PDE6B: variants seen among roughly 807,000 people sequenced by gnomAD.
PDE6B encodes phosphodiesterase 6B, also known as rod cGMP-specific 3',5'-cyclic phosphodiesterase subunit beta.
In PDE6B, 106 loss-of-function variants were observed where a neutral mutation model predicts 109.0. The observed-to-expected ratio is 0.97, with a 90% CI of 0.83 to 1.14. The LOEUF (loss-of-function observed/expected upper bound fraction) is 1.14. Ranked by LOEUF, PDE6B falls within the 50% of genes most tolerant of loss-of-function variation. The pLI, the probability that PDE6B is intolerant of heterozygous loss-of-function variation, is 0.00. For synonymous variants in PDE6B, 490 were observed against 471.3 expected (o/e 1.04, Z -0.51); for missense variants, 1,193 against 1,155.6 (o/e 1.03, Z -0.47).
intron 3 of PDE6B, among the ~76,000 whole-genome samples, chr4:639,213 T>C (rs1734833896): frequency 6.6e-6 from 1 of 151,582 alleles, no homozygotes; most frequent in Non-Finnish European, 1.5e-5. Context: ...GGTGCAATCA[T>C]AGCTCACTGC....
At position 666,915 on chromosome 4, in the gene PDE6B, A is replaced by C. The variant is rs572664078; in HGVS notation, c.2352+301A>C. Among the ~76,000 whole-genome samples, 115 of 152,296 alleles carry C rather than the reference A, an allele frequency of 7.6e-4. 1 individual carries two copies. The highest frequency in any genetic ancestry group is 2.5e-3 in the African/African-American group (103 of 41,562). On this transcript the variant is annotated intron_variant, in intron 20 of 21. Transcript: ENST00000496514. This position sits in a 1 kb window ranked among gnomAD's most constrained non-coding sequence, Gnocchi z 5.6. ...AGGCCTACCCCAGAAGTTCTCCCTC[A>C]GTGCCCTCCGCCGTGGCCAGCACAC...
chr4:645,400 A>G (rs1432359071), intron 3 of PDE6B, among the ~76,000 whole-genome samples: 1 of 145,660 alleles, frequency 6.9e-6, no homozygotes, highest in Non-Finnish European at 1.5e-5. Context: ...GGTTCACGCC[A>G]TTCTCCTGCC....
chr4:650,977 G>A (rs1282738200), intron 3 of PDE6B, among the ~76,000 whole-genome samples: 1 of 152,172 alleles, frequency 6.6e-6, no homozygotes, highest in Non-Finnish European at 1.5e-5. Flanking sequence ...TGCTGGGCTG[G>A]GACCACCTTG....
chr4:642,147 G>A (rs1386635669), intron 3 of PDE6B, among the ~76,000 whole-genome samples: 1 of 152,048 alleles, frequency 6.6e-6, no homozygotes, highest in African/African-American at 2.4e-5. Context: ...CCCAATCTTA[G>A]GAGAAAGCAT....
chr4:646,648 T>C (rs1433266717), intron 3 of PDE6B, among the ~76,000 whole-genome samples: 1 of 152,034 alleles, frequency 6.6e-6, no homozygotes, highest in Non-Finnish European at 1.5e-5. Flanking sequence ...TGGTTCCCTC[T>C]GCGTTTCTGT....
chr4:653,716 C>T (rs1474595728), intron 3 of PDE6B, 136 bp from the exon 4 acceptor site: 5 of 1,000,424 alleles, frequency 5.0e-6, no homozygotes, highest in African/African-American at 4.8e-5. Flanking sequence ...GGGTCTGTGC[C>T]AGGCTCCACG....
chr4:661,901 A>G, intron 12 of PDE6B: 1 of 564,570 alleles, frequency 1.8e-6, no homozygotes, highest in Non-Finnish European at 3.2e-6. Context: ...GGCTGTTCTC[A>G]GCTCCTGCCC....
intron 12 of PDE6B, chr4:661,784 G>A (rs1476401462): frequency 5.7e-6 from 2 of 352,902 alleles, no homozygotes; most frequent in Non-Finnish European, 1.1e-5. Context: ...TCATTCAAAT[G>A]TCCATGCCTA....
chr4:653,369 C>T (rs1012530715), intron 3 of PDE6B: 92 of 1,098,670 alleles, frequency 8.4e-5, no homozygotes, highest in Non-Finnish European at 1.0e-4. Flanking sequence ...GGGGCCTGTG[C>T]AGCGGGATGT....
At position 664,147 on chromosome 4, in the gene PDE6B, G is replaced by C. The variant is rs199531882; in HGVS notation, c.2055G>C (p.Glu685Asp). 4 of 1,612,176 alleles carry C rather than the reference G, an allele frequency of 2.5e-6. No homozygotes were observed. The highest frequency in any genetic ancestry group is 1.7e-4 in the Middle Eastern group (1 of 6,060). The change falls in exon 17 of 22, where the codon GAG becomes GAC. Residue 685 changes from glutamate (E) to aspartate (D), a missense_variant. Glu to Asp is a conservative substitution (Grantham distance 45). Coordinates refer to ENST00000496514, the MANE Select transcript of PDE6B (RefSeq NM_000283.4). Reference protein sequence around the residue: ...KRAMFQKIVDESKNYQDKKSW... With the variant: ...KRAMFQKIVDDSKNYQDKKSW... ...CGATGTTTCAGAAGATCGTGGATGA[G>C]TCCAAGAACTACCAGGACAAGAAGA... is the stretch of plus-strand genomic sequence containing the variant.
chr4:663,824 C>T lies in PDE6B; in HGVS notation c.1975C>T (p.Leu659=), dbSNP rs1737438000. The change falls in exon 16 of 22, where the codon CTG becomes TTG. Residue 659 remains leucine, a synonymous_variant. Transcript: ENST00000496514. The surrounding 1 kb of genome is among the most constrained non-coding windows in gnomAD (Gnocchi z 4.0). The part of the protein sequence containing the change: ...NRRQHEHVIH[L]MDIAIIATDL... ...GCGGCAGCACGAGCACGTGATCCACCTGATGGACATCGCCATCATCGCCAC... is the reference window on the plus strand; with the variant it reads ...GCGGCAGCACGAGCACGTGATCCACTTGATGGACATCGCCATCATCGCCAC... 6.2e-7 allele frequency: 1 copy of T among 1,612,444 alleles called. No individual in the cohort carries two copies. Among genetic ancestry groups the T allele is most frequent in the Non-Finnish European group, 8.5e-7 (1 of 1,179,562 alleles).
At position 665,299 on chromosome 4, in the gene PDE6B, G is replaced by C; in HGVS notation, c.2238G>C (p.Leu746Phe). 6.2e-7 allele frequency: 1 copy of C among 1,612,718 alleles called. No homozygotes were observed. The change falls in exon 19 of 22, where the codon TTG (leucine) becomes TTC (phenylalanine). Residue 746 changes from leucine (L) to phenylalanine (F), a missense_variant. By Grantham distance (22) the Leu-to-Phe change is conservative (BLOSUM62 0). Coordinates refer to ENST00000496514, the MANE Select transcript of PDE6B (RefSeq NM_000283.4). The surrounding 1 kb of genome is among the most constrained non-coding windows in gnomAD (Gnocchi z 4.0). The stretch of plus-strand genomic sequence containing the variant: ...CTGAGTTCTGGGAGCAAGGTGACTT[G>C]GAAAGGACAGTCTTGGATCAGCAGC... Reference protein sequence around the residue: ...VAAEFWEQGDLERTVLDQQPI... With the variant: ...VAAEFWEQGDFERTVLDQQPI...
chr4:630,822 T>C (rs1734349158), intron 1 of PDE6B, among the ~76,000 whole-genome samples: 2 of 152,306 alleles, frequency 1.3e-5, no homozygotes, highest in South Asian at 4.1e-4. Context: ...ACAAAGAGGC[T>C]GCAGTCACAA....
intron 3 of PDE6B, among the ~76,000 whole-genome samples, chr4:642,214 A>G (rs1171416170): frequency 2.0e-5 from 3 of 151,954 alleles, no homozygotes; most frequent in African/African-American, 4.8e-5. Flanking sequence ...GCTCATGCCT[A>G]TAATCCCAGC....
At chr4:659,497 G>A (rs1461819672) in intron 11 of PDE6B, among the ~76,000 whole-genome samples, 1 of 151,868 alleles carries the variant, frequency 6.6e-6, no homozygotes, top group African/African-American at 2.4e-5. Context: ...GTGCACAAGT[G>A]TGTACGTGTG....
chr4:664,559 A>T (rs1422036327), intron 17 of PDE6B, among the ~76,000 whole-genome samples: 1 of 152,184 alleles, frequency 6.6e-6, no homozygotes, highest in African/African-American at 2.4e-5. Context: ...GAAAATACAC[A>T]TAAACCCAGC....
At position 636,462 on chromosome 4, in the gene PDE6B, G is replaced by A. The variant is rs1734687032; in HGVS notation, c.711+493G>A. Among the ~76,000 whole-genome samples, 1 of 152,270 alleles carries A rather than the reference G, an allele frequency of 6.6e-6. No individual in the cohort carries two copies. The highest frequency in any genetic ancestry group is 3.4e-3 in the Middle Eastern group (1 of 294). ...GAGGGAGGCCTGAGGACCTTAAGGA[G>A]TCAGGTGTGCCGAGGTGCGTGGGAA... On this transcript the variant is annotated intron_variant, in intron 3 of 21. Transcript: ENST00000496514. The surrounding 1 kb of genome is among the most constrained non-coding windows in gnomAD (Gnocchi z 4.5).
At chr4:659,141 G>A (rs959410780) in intron 11 of PDE6B, 124 bp downstream of exon 11, 17 of 749,660 alleles carry the variant, frequency 2.3e-5, no homozygotes, top group Non-Finnish European at 3.5e-5. Context: ...TGTTGGTGCT[G>A]TGTGTGTATA....
In PDE6B at chr4:662,057, G is replaced by A; in HGVS notation, c.1615-77G>A. 1.4e-6 allele frequency: 1 copy of A among 739,094 alleles called. No individual in the cohort carries two copies. Among genetic ancestry groups the A allele is most frequent in the African/African-American group, 1.7e-5 (1 of 57,720 alleles). 45.8% of individuals were successfully genotyped at this position (739,094 alleles called of 1,614,324 possible). A position where few individuals can be genotyped will look rare whatever the true frequency, so the allele number is the denominator to read the frequency against. Reference sequence around the variant, plus strand: ...TGGCACGGAGCAGGGCTTCCACTGTGAAGTCAGCCACAGGTGCCGCTCTGG... The same window carrying A: ...TGGCACGGAGCAGGGCTTCCACTGTAAAGTCAGCCACAGGTGCCGCTCTGG... On this transcript the variant is annotated intron_variant, in intron 12 of 21. Coordinates refer to ENST00000496514, the MANE Select transcript of PDE6B (RefSeq NM_000283.4). The surrounding 1 kb of genome is among the most constrained non-coding windows in gnomAD (Gnocchi z 4.3).
Sources: allele counts gnomAD v4.1 joint callset (sites outside exome capture counted in the v4.1 genomes callset), GRCh38; gene constraint gnomAD v4.1.1; non-coding constraint Gnocchi (gnomAD v3.1); transcripts MANE v1.5; gene names NCBI Gene and HGNC (gene_info 2026-07-23, HGNC 2026-07-21).